Variants in ANKS1B observed in about 807,000 individuals in gnomAD.
ANKS1B encodes the protein ankyrin repeat and sterile alpha motif domain-containing protein 1B.
Under a neutral mutation model 148.3 loss-of-function variants are expected in ANKS1B, and 36 were observed. That is an observed-to-expected ratio of 0.24 (90% CI 0.19 to 0.32). The LOEUF (loss-of-function observed/expected upper bound fraction) is 0.32, where lower values mean the gene tolerates loss of function less well. Ranked by LOEUF, ANKS1B falls within the 10% of genes least tolerant of loss-of-function variation. The pLI is 1.00. For missense variants in ANKS1B, 1,157 were observed against 1,542.6 expected, an observed-to-expected ratio of 0.75 and a Z score of 4.19; for synonymous variants, 542 against 560.8, an observed-to-expected ratio of 0.97 and a Z score of 0.47.
intron 12 of ANKS1B, among the ~76,000 whole-genome samples, chr12:99,251,486 G>A (rs936180316): frequency 6.6e-6 from 1 of 152,146 alleles, no homozygotes; most frequent in Non-Finnish European, 1.5e-5. Flanking sequence ...GTCATAACTT[G>A]TCTCATTTAA....
chr12:99,489,898 T>C (rs1280536032), intron 10 of ANKS1B, among the ~76,000 whole-genome samples: 2 of 152,230 alleles, frequency 1.3e-5, no homozygotes, highest in Non-Finnish European at 1.5e-5. Flanking sequence ...CCTATGTGAT[T>C]AAATGGCAAC....
chr12:99,317,652 TA>T, intron 12 of ANKS1B, among the ~76,000 whole-genome samples: 1 of 152,330 alleles, frequency 6.6e-6, no homozygotes, highest in Middle Eastern at 3.4e-3. Flanking sequence ...GAATACCCTT[TA>T]TTTCTTTCTC....
chr12:98,836,923 A>C (rs2099366965), intron 17 of ANKS1B, among the ~76,000 whole-genome samples: 1 of 152,224 alleles, frequency 6.6e-6, no homozygotes, highest in African/African-American at 2.4e-5. Flanking sequence ...AACAGAGCTT[A>C]CAATATTGGA....
At chr12:99,662,948 A>C (rs1362676200) in intron 8 of ANKS1B, among the ~76,000 whole-genome samples, 1 of 152,112 alleles carries the variant, frequency 6.6e-6, no homozygotes, top group African/African-American at 2.4e-5. Flanking sequence ...TTATTATGCA[A>C]GCAATTTCAC....
chr12:99,654,668 T>C (rs549968109), intron 9 of ANKS1B, among the ~76,000 whole-genome samples: 10 of 152,138 alleles, frequency 6.6e-5, no homozygotes, highest in Non-Finnish European at 1.2e-4. Context: ...CAATGCTCCA[T>C]TGTGATGTGA....
At chr12:98,798,769 T>C (rs1010233855) in intron 22 of ANKS1B, among the ~76,000 whole-genome samples, 165 bp downstream of exon 22, 2 of 152,202 alleles carry the variant, frequency 1.3e-5, no homozygotes, top group Non-Finnish European at 2.9e-5. Flanking sequence ...TGAGATAAGT[T>C]CAAGCATAAA....
intron 11 of ANKS1B, among the ~76,000 whole-genome samples, chr12:99,426,288 AATT>A (rs2095253251): frequency 1.3e-5 from 2 of 152,120 alleles, no homozygotes; most frequent in Non-Finnish European, 2.9e-5. Flanking sequence ...GTATAATTGC[AATT>A]ATTATGTAGA....
At chr12:98,982,656 G>T (rs2099913079) in intron 17 of ANKS1B, among the ~76,000 whole-genome samples, 3 of 152,114 alleles carry the variant, frequency 2.0e-5, no homozygotes, top group Non-Finnish European at 4.4e-5. Context: ...GGAATCATTT[G>T]CATATATCCT....
rs192188653 is a variant in ANKS1B, at chr12:98,830,601, A to C, written c.2887-1248T>G. Among the ~76,000 whole-genome samples the C allele has an allele frequency of 2.0e-5, 3 of 152,320 alleles. No homozygotes were observed. The East Asian group carries it at 5.8e-4, about 29-fold the overall frequency. On this transcript the variant is annotated intron_variant, in intron 18 of 26. Transcript: ENST00000683438. ...CTGTTTGCTGAAGTTTATTGATAAG[A>C]GGCAGCCCACTGCATTTCATCACGA...
chr12:99,084,785 A>G (rs1231921251), intron 16 of ANKS1B, 140 bp downstream of exon 16: 7 of 619,818 alleles, frequency 1.1e-5, no homozygotes, highest in Non-Finnish European at 2.0e-5. Flanking sequence ...CTGAATGTGC[A>G]GTTGGACCTA....
chr12:99,172,336 C>T (rs1193227756), intron 14 of ANKS1B, among the ~76,000 whole-genome samples: 1 of 152,006 alleles, frequency 6.6e-6, no homozygotes, highest in African/African-American at 2.4e-5. Context: ...TGTTGTTGCA[C>T]AAACATCCCC....
chr12:99,700,423 A>G (rs1024339927), intron 8 of ANKS1B, among the ~76,000 whole-genome samples: 1 of 152,170 alleles, frequency 6.6e-6, no homozygotes, highest in Non-Finnish European at 1.5e-5. Context: ...TCTACTCACA[A>G]ACTGAAAGCC....
At chr12:99,580,564 G>A (rs1204621094) in intron 9 of ANKS1B, among the ~76,000 whole-genome samples, 1 of 152,102 alleles carries the variant, frequency 6.6e-6, no homozygotes, top group East Asian at 1.9e-4. Flanking sequence ...TCTCATAGGG[G>A]TAGAATGGTG....
intron 19 of ANKS1B, among the ~76,000 whole-genome samples, chr12:98,822,745 C>T (rs986238420): frequency 2.7e-4 from 41 of 152,220 alleles, no homozygotes; most frequent in African/African-American, 8.7e-4. Flanking sequence ...TTAGGGCTGA[C>T]GGGTCTATCA....
intron 9 of ANKS1B, among the ~76,000 whole-genome samples, chr12:99,635,176 C>T (rs552203082): frequency 6.6e-6 from 1 of 152,206 alleles, no homozygotes; most frequent in South Asian, 2.1e-4. Context: ...AATGATGCAG[C>T]CACTATGGAA....
intron 17 of ANKS1B, among the ~76,000 whole-genome samples, chr12:99,015,995 G>GA (rs1317139608): frequency 6.6e-6 from 1 of 152,136 alleles, no homozygotes; most frequent in Non-Finnish European, 1.5e-5. Flanking sequence ...TTAAATAGGA[G>GA]AAAAAATTTT....
intron 2 of ANKS1B, 89 bp from the exon 3 acceptor site, chr12:99,812,400 G>A: frequency 7.2e-7 from 1 of 1,386,668 alleles, no homozygotes; most frequent in Admixed American, 2.3e-5. Flanking sequence ...TAGATGCTGG[G>A]TGGGAATTTA....
At chr12:99,925,079 C>T (rs1304309374) in intron 1 of ANKS1B, among the ~76,000 whole-genome samples, 4 of 152,030 alleles carry the variant, frequency 2.6e-5, no homozygotes, top group Non-Finnish European at 5.9e-5. Context: ...ACAAAGAGTG[C>T]GAGGGTGGCT....
At chr12:99,825,168 A>C (rs1057035570) in intron 2 of ANKS1B, 141 bp downstream of exon 2, 6 of 636,836 alleles carry the variant, frequency 9.4e-6, no homozygotes, top group South Asian at 1.9e-5. Context: ...CTAACTTGTC[A>C]GTGTTGTCAC....
Sources: gnomAD v4.1 joint callset for allele counts (sites outside exome capture counted in the v4.1 genomes callset) on GRCh38, gnomAD v4.1.1 for gene constraint, MANE v1.5 for transcripts, NCBI Gene and HGNC (gene_info 2026-07-23, HGNC 2026-07-21) for gene names.